ZNF385D: variants seen among roughly 807,000 people sequenced by gnomAD.
ZNF385D encodes the protein zinc finger protein 385D.
Under a neutral mutation model 35.8 loss-of-function variants are expected in ZNF385D, and 15 were observed. The observed-to-expected ratio is 0.42, with a 90% CI of 0.28 to 0.64. ZNF385D has a LOEUF of 0.64. Ranked by LOEUF, ZNF385D falls within the 30% of genes least tolerant of loss-of-function variation. The pLI, the probability that ZNF385D is intolerant of heterozygous loss-of-function variation, is 0.23. For synonymous variants in ZNF385D, 212 were observed against 186.8 expected (o/e 1.13, Z -1.10); for missense variants, 474 against 494.6 (o/e 0.96, Z 0.39).
intron 2 of ZNF385D, among the ~76,000 whole-genome samples, chr3:22,337,227 A>C (rs574659212): frequency 4.3e-4 from 65 of 152,172 alleles, no homozygotes; most frequent in African/African-American, 1.4e-3. Context: ...CATTTCATCA[A>C]AACAAATGCA....
chr3:21,847,183 G>A (rs1028825310), intron 3 of ZNF385D, among the ~76,000 whole-genome samples: 2 of 151,848 alleles, frequency 1.3e-5, no homozygotes, highest in African/African-American at 4.8e-5. Flanking sequence ...ATTTTGATGA[G>A]TCATATATTT....
At position 22,343,914 on chromosome 3, in the gene ZNF385D, C is replaced by T. The variant is rs536480506; in HGVS notation, c.106+28536G>A. Reference sequence around the variant, plus strand: ...CTGGGCTGTACCCCCAGCATATTTACATTTTACCACATCCATTAAAAAAAA... The same window carrying T: ...CTGGGCTGTACCCCCAGCATATTTATATTTTACCACATCCATTAAAAAAAA... On this transcript the variant is annotated intron_variant, in intron 2 of 5. Coordinates refer to the ZNF385D transcript ENST00000494108. Among the ~76,000 whole-genome samples the T allele has an allele frequency of 2.6e-5, 4 of 152,154 alleles. No individual in the cohort carries two copies. In the East Asian group the frequency reaches 7.7e-4, roughly 29 times the overall value.
chr3:21,806,209 ATT>A (rs111922265), intron 3 of ZNF385D, among the ~76,000 whole-genome samples: 3 of 108,368 alleles, frequency 2.8e-5, no homozygotes, highest in Non-Finnish European at 4.0e-5. Flanking sequence ...TAAATTTCTT[ATT>A]TTTTTTTTTT....
At chr3:21,891,123 G>T (rs995560815) in intron 3 of ZNF385D, among the ~76,000 whole-genome samples, 1 of 152,112 alleles carries the variant, frequency 6.6e-6, no homozygotes, top group African/African-American at 2.4e-5. Flanking sequence ...TACTCTATAA[G>T]ATTTTTATGA....
chr3:21,751,495 AC>A, upstream of ZNF385D: 1 of 970,886 alleles, frequency 1.0e-6, no homozygotes, highest in Non-Finnish European at 1.2e-6. Flanking sequence ...CAACACTTTT[AC>A]CCCGCCCCTC....
At chr3:21,929,924 A>C (rs1013078842) in intron 3 of ZNF385D, among the ~76,000 whole-genome samples, 8 of 152,064 alleles carry the variant, frequency 5.3e-5, no homozygotes, top group Non-Finnish European at 1.2e-4. Context: ...TCTCAGCTGG[A>C]TTTCTGTAGA....
intron 3 of ZNF385D, among the ~76,000 whole-genome samples, chr3:21,835,967 G>C (rs943661261): frequency 6.6e-6 from 1 of 151,852 alleles, no homozygotes; most frequent in South Asian, 2.1e-4. Flanking sequence ...TTGAGTTGAG[G>C]TGAGGAGTGA....
intron 2 of ZNF385D, among the ~76,000 whole-genome samples, chr3:22,324,898 C>T (rs1694606193): frequency 6.6e-6 from 1 of 152,144 alleles, no homozygotes; most frequent in South Asian, 2.1e-4. Flanking sequence ...AGCAGCCAAA[C>T]TGTCTGGATT....
chr3:22,125,947 G>A (rs9843869), intron 3 of ZNF385D, among the ~76,000 whole-genome samples: 71,539 of 151,834 alleles, frequency 0.47, 17,003 homozygotes, highest in Admixed American at 0.5. Context: ...TTTCAGTACT[G>A]TGTTGAATAA....
At chr3:22,361,910 A>G (rs950362321) in intron 2 of ZNF385D, among the ~76,000 whole-genome samples, 4 of 151,996 alleles carry the variant, frequency 2.6e-5, no homozygotes, top group Non-Finnish European at 4.4e-5. Flanking sequence ...GTGAAATACT[A>G]TTTCAACATA....
chr3:22,247,630 T>TATTTA (rs1553636080), intron 2 of ZNF385D, among the ~76,000 whole-genome samples: 1 of 151,664 alleles, frequency 6.6e-6, no homozygotes, highest in African/African-American at 2.4e-5. Flanking sequence ...TTTATTTATT[T>TATTTA]ATTTATTTAT....
intron 3 of ZNF385D, among the ~76,000 whole-genome samples, chr3:21,964,227 A>T (rs1702752269): frequency 1.3e-5 from 2 of 151,810 alleles, no homozygotes; most frequent in South Asian, 2.1e-4. Context: ...ATGAGATACA[A>T]ATTTCTCCTT....
At chr3:22,292,044 C>T (rs1275625616) in intron 2 of ZNF385D, among the ~76,000 whole-genome samples, 1 of 151,634 alleles carries the variant, frequency 6.6e-6, no homozygotes, top group Non-Finnish European at 1.5e-5. Context: ...TATTGGAGCC[C>T]TTCTTCTTTG....
chr3:22,227,325 C>T (rs1698621239), intron 2 of ZNF385D, among the ~76,000 whole-genome samples: 1 of 151,978 alleles, frequency 6.6e-6, no homozygotes, highest in Non-Finnish European at 1.5e-5. Context: ...TTTCTTCTGT[C>T]CTCCTGCCAT....
chr3:21,990,288 A>T (rs182929290), intron 3 of ZNF385D, among the ~76,000 whole-genome samples: 1 of 152,320 alleles, frequency 6.6e-6, no homozygotes, highest in South Asian at 2.1e-4. Flanking sequence ...TCTCATGATG[A>T]CATCTAGCAA....
At chr3:22,041,840 T>C (rs1045523339) in intron 3 of ZNF385D, among the ~76,000 whole-genome samples, 2 of 151,878 alleles carry the variant, frequency 1.3e-5, no homozygotes, top group Non-Finnish European at 2.9e-5. Context: ...CAGGAAGGAA[T>C]GTTCAGGTAG....
chr3:22,056,405 A>G (rs936901694), intron 3 of ZNF385D, among the ~76,000 whole-genome samples: 2 of 152,100 alleles, frequency 1.3e-5, no homozygotes, highest in African/African-American at 4.8e-5. Context: ...ACCATGGCAA[A>G]GATGATAAGC....
At chr3:22,023,984 T>C (rs1278056778) in intron 3 of ZNF385D, among the ~76,000 whole-genome samples, 1 of 152,178 alleles carries the variant, frequency 6.6e-6, no homozygotes, top group East Asian at 1.9e-4. Context: ...ATTGATCCCC[T>C]GGGTATGTCT....
chr3:21,861,456 C>G (rs879418056), intron 3 of ZNF385D, among the ~76,000 whole-genome samples: 3 of 152,096 alleles, frequency 2.0e-5, no homozygotes, highest in African/African-American at 4.8e-5. Context: ...CAGGTAAGCT[C>G]TCTCTTGTGT....
Sources: gnomAD v4.1 joint callset for allele counts (sites outside exome capture counted in the v4.1 genomes callset) on GRCh38, gnomAD v4.1.1 for gene constraint, MANE v1.5 for transcripts, NCBI Gene and HGNC (gene_info 2026-07-23, HGNC 2026-07-21) for gene names.